Variants in ZMAT3 observed in about 807,000 individuals in gnomAD.
The protein encoded by ZMAT3 is zinc finger matrin-type 3.
Under a neutral mutation model 32.3 loss-of-function variants are expected in ZMAT3, and 17 were observed. That is an observed-to-expected ratio of 0.53 (90% CI 0.36 to 0.79). ZMAT3 has a LOEUF of 0.79. Among genes scored for constraint, ZMAT3 ranks in the 30% least tolerant of loss-of-function variants. The pLI is 0.00. For missense variants in ZMAT3, 329 were observed against 359.7 expected (o/e 0.91, Z 0.69); for synonymous variants, 120 against 133.1 (o/e 0.90, Z 0.68).
rs371955261 is a variant in ZMAT3, at chr3:179,058,800, T to C, written c.270+8683A>G. 4.5e-4 allele frequency among the ~76,000 whole-genome samples: 64 copies of C among 141,534 alleles called. No homozygotes were observed. In the East Asian group the frequency reaches 7.4e-3, roughly 16 times the overall value. 92.9% of individuals were successfully genotyped at this position (141,534 alleles called of 152,430 possible). ...AAAAAAGAAAAAGGACTTCGAAGAGTAGGGTATGCAGTGGTCAGTGATAAT... is the reference window on the plus strand; with the variant it reads ...AAAAAAGAAAAAGGACTTCGAAGAGCAGGGTATGCAGTGGTCAGTGATAAT... On this transcript the variant is annotated intron_variant, in intron 2 of 5. Transcript: ENST00000311417.
At chr3:179,063,877 G>A (rs1451240249) in intron 2 of ZMAT3, among the ~76,000 whole-genome samples, 2 of 152,156 alleles carry the variant, frequency 1.3e-5, no homozygotes, top group Non-Finnish European at 2.9e-5. Context: ...ATGATGTTTT[G>A]AAGCCAACTG....
At chr3:179,044,572 A>G (rs920290861) in intron 2 of ZMAT3, among the ~76,000 whole-genome samples, 2 of 152,146 alleles carry the variant, frequency 1.3e-5, no homozygotes, top group Admixed American at 1.3e-4. Context: ...TGAACCCAGG[A>G]GGCGGAGCTT....
intron 2 of ZMAT3, among the ~76,000 whole-genome samples, chr3:179,065,936 A>G (rs757077304): frequency 1.3e-5 from 2 of 152,292 alleles, no homozygotes; most frequent in East Asian, 1.9e-4. Flanking sequence ...AGATAATTAT[A>G]TATGTGTATA....
At chr3:179,032,720 T>G (rs1257518079) in intron 2 of ZMAT3, among the ~76,000 whole-genome samples, 2 of 147,060 alleles carry the variant, frequency 1.4e-5, no homozygotes, top group African/African-American at 5.1e-5. Context: ...GAGGAGCGTC[T>G]CTGACCAGCC....
chr3:179,027,316 C>T (rs1462383500), intron 5 of ZMAT3, 107 bp downstream of exon 5: 1 of 962,724 alleles, frequency 1.0e-6, no homozygotes, highest in Non-Finnish European at 1.5e-6. Flanking sequence ...CAATAAAACA[C>T]TGACTAACTC....
At chr3:179,036,128 A>G (rs933077338) in intron 2 of ZMAT3, among the ~76,000 whole-genome samples, 4 of 152,216 alleles carry the variant, frequency 2.6e-5, no homozygotes, top group Non-Finnish European at 2.9e-5. Context: ...AAAGCAGTGC[A>G]TGACTTGATT....
intron 2 of ZMAT3, among the ~76,000 whole-genome samples, chr3:179,035,954 C>T (rs1719567004): frequency 1.3e-5 from 2 of 152,170 alleles, no homozygotes; most frequent in Non-Finnish European, 2.9e-5. Context: ...AGCAAAAGCC[C>T]AGCCTTCTGT....
intron 3 of ZMAT3, among the ~76,000 whole-genome samples, chr3:179,029,307 C>T (rs2108538833): frequency 6.6e-6 from 1 of 152,222 alleles, no homozygotes; most frequent in South Asian, 2.1e-4. Context: ...AGTAATATGG[C>T]CAATACCTCT....
rs1352782222 is a variant in ZMAT3, at chr3:179,020,622, C to T, written c.*4395G>A. On this transcript the variant is annotated 3_prime_UTR_variant, in exon 6 of 6. Transcript: ENST00000311417. ...TTTCTTTCTAAAGCAGCTCTATTGT[C>T]CTAGCATATGCCTCACCAAGTTCTT... The T allele has an allele frequency of 6.6e-6, 1 of 152,196 alleles. No individual in the cohort carries two copies. The highest frequency in any genetic ancestry group is 1.5e-5 in the Non-Finnish European group (1 of 68,036). 9.4% of individuals were successfully genotyped at this position (152,196 alleles called of 1,614,324 possible). A position where few individuals can be genotyped will look rare whatever the true frequency, so the allele number is the denominator to read the frequency against.
intron 2 of ZMAT3, among the ~76,000 whole-genome samples, chr3:179,035,033 T>C (rs917890068): frequency 3.3e-5 from 5 of 152,240 alleles, no homozygotes; most frequent in African/African-American, 1.2e-4. Flanking sequence ...CTCCTCATTA[T>C]AAACCCAAGT....
chr3:179,060,003 C>T (rs1246475292), intron 2 of ZMAT3, among the ~76,000 whole-genome samples: 1 of 152,070 alleles, frequency 6.6e-6, no homozygotes, highest in Non-Finnish European at 1.5e-5. Flanking sequence ...AATAGCCAAT[C>T]ATCTATTGCC....
chr3:179,025,004 A>G lies in ZMAT3; in HGVS notation c.*13T>C, dbSNP rs760589161. On this transcript the variant is annotated 3_prime_UTR_variant, in exon 6 of 6. Transcript: ENST00000311417. ...CAGGCAGGAAAAGCTGCTCTATCTT[A>G]ATATGATAATCACTATACATATCCC... The G allele has an allele frequency of 8.7e-6, 14 of 1,612,940 alleles. No individual in the cohort carries two copies. The highest frequency in any genetic ancestry group is 1.2e-5 in the Non-Finnish European group (14 of 1,179,086).
rs923122301 is a variant in ZMAT3, at chr3:179,046,568, G to A, written c.271-15569C>T. ...CGTGGGACAGCTGAGGAACTGAGTC[G>A]GCCTGCTTTCTCAGCTGGGAGGCTT... On this transcript the variant is annotated intron_variant, in intron 2 of 5. Transcript: ENST00000311417. The surrounding 1 kb of genome is among the most constrained non-coding windows in gnomAD (Gnocchi z 4.3). Among the ~76,000 whole-genome samples the A allele has an allele frequency of 8.5e-5, 13 of 152,142 alleles. No individual in the cohort carries two copies. Among genetic ancestry groups the A allele is most frequent in the South Asian group, 2.1e-4 (1 of 4,820 alleles).
intron 2 of ZMAT3, among the ~76,000 whole-genome samples, chr3:179,044,257 A>G (rs1720107315): frequency 6.6e-6 from 1 of 152,228 alleles, no homozygotes; most frequent in Admixed American, 6.5e-5. Flanking sequence ...ATACTACTAT[A>G]AAGACACATG....
At chr3:179,056,110 T>C (rs1019501789) in intron 2 of ZMAT3, among the ~76,000 whole-genome samples, 3 of 152,160 alleles carry the variant, frequency 2.0e-5, no homozygotes, top group African/African-American at 4.8e-5. Context: ...AAGGGAGGCA[T>C]TGAGGAAGCA....
chr3:179,035,394 C>G (rs184830108), intron 2 of ZMAT3, among the ~76,000 whole-genome samples: 69 of 152,288 alleles, frequency 4.5e-4, no homozygotes, highest in Admixed American at 9.8e-4. Context: ...TTAACTGTTC[C>G]TTTTGCCTAG....
At chr3:179,054,730 G>A (rs1720744077) in intron 2 of ZMAT3, among the ~76,000 whole-genome samples, 1 of 152,158 alleles carries the variant, frequency 6.6e-6, no homozygotes, top group Admixed American at 6.5e-5. Flanking sequence ...ATCCAACACT[G>A]CTGCTTGCCG....
At chr3:179,057,957 A>T (rs971646316) in intron 2 of ZMAT3, among the ~76,000 whole-genome samples, 1 of 152,208 alleles carries the variant, frequency 6.6e-6, no homozygotes, top group African/African-American at 2.4e-5. Flanking sequence ...TCCCAGTGTT[A>T]AGCTTGCCAA....
At chr3:179,039,528 G>T (rs948593740) in intron 2 of ZMAT3, among the ~76,000 whole-genome samples, 1 of 152,154 alleles carries the variant, frequency 6.6e-6, no homozygotes, top group Non-Finnish European at 1.5e-5. Flanking sequence ...GAAAGGAATA[G>T]CATCAACATC....
Sources: gnomAD v4.1 joint callset for allele counts (sites outside exome capture counted in the v4.1 genomes callset) on GRCh38, gnomAD v4.1.1 for gene constraint, Gnocchi (gnomAD v3.1) non-coding constraint, MANE v1.5 for transcripts, NCBI Gene and HGNC (gene_info 2026-07-23, HGNC 2026-07-21) for gene names.